OLFM1: variants seen among roughly 807,000 people sequenced by gnomAD.
OLFM1 encodes the protein olfactomedin 1.
Under a neutral mutation model 49.7 loss-of-function variants are expected in OLFM1, and 9 were observed. The observed-to-expected ratio is 0.18, with a 90% CI of 0.11 to 0.32. OLFM1 has a LOEUF of 0.32. Ranked by LOEUF, OLFM1 falls within the 10% of genes least tolerant of loss-of-function variation. The probability of loss-of-function intolerance (pLI) is 1.00; values close to 1 mark genes in which losing one functional copy is unlikely to be tolerated. For missense variants in OLFM1, 369 were observed against 661.8 expected (o/e 0.56, Z 4.85); for synonymous variants, 240 against 271.8 (o/e 0.88, Z 1.15).
intron 1 of OLFM1, 59 bp from the exon 2 acceptor site, chr9:135,090,136 C>T: frequency 6.7e-7 from 1 of 1,494,864 alleles, no homozygotes; most frequent in South Asian, 1.3e-5. Flanking sequence ...CTCTGATACA[C>T]AACCTCATGG....
At chr9:135,090,034 C>A (rs1170732202) in intron 1 of OLFM1, among the ~76,000 whole-genome samples, 161 bp from the exon 2 acceptor site, 1 of 152,190 alleles carries the variant, frequency 6.6e-6, no homozygotes. Context: ...TCCCAGGGAC[C>A]CTTTCTTCCC....
chr9:135,097,721 T>G, intron 3 of OLFM1: 1 of 1,363,710 alleles, frequency 7.3e-7, no homozygotes, highest in South Asian at 1.2e-5. Flanking sequence ...CTGATGGCTG[T>G]CTGTTTCAGG....
intron 4 of OLFM1, among the ~76,000 whole-genome samples, chr9:135,101,811 C>T (rs906257721): frequency 5.9e-5 from 9 of 152,222 alleles, no homozygotes; most frequent in African/African-American, 2.2e-4. Flanking sequence ...ATGGAGCTCC[C>T]GGGGCGTGGC....
Position 135,114,201 on chromosome 9 carries a change from T to C in OLFM1, c.784-5303T>C, listed in dbSNP as rs560950812. Among the ~76,000 whole-genome samples, 168 of 136,554 alleles carry C rather than the reference T, an allele frequency of 1.2e-3. 1 individual carries two copies. The highest frequency in any genetic ancestry group is 2.0e-3 in the Non-Finnish European group (129 of 65,340). 89.6% of individuals were successfully genotyped at this position (136,554 alleles called of 152,430 possible). On this transcript the variant is annotated intron_variant, in intron 5 of 5. Transcript: ENST00000371793. ...ATGCTGGAGTGCTGGAGTGCAGTGG[T>C]GCGATCTCGGCTCACTGCAAGTGAT...
At position 135,095,984 on chromosome 9, in the gene OLFM1, G is replaced by C; in HGVS notation, c.421G>C (p.Glu141Gln). ...GLESKFKQVE[E>Q]SHKQHLARQF... ...GGAGTCCAAGTTCAAACAGGTGGAG[G>C]AGAGTCATAAGCAACACCTGGCCAG... Residue 141 changes from glutamate (E) to glutamine (Q), a missense_variant, in exon 3 of 6, where the codon GAG becomes CAG. By Grantham distance (29) the Glu-to-Gln change is conservative. Around this residue, in one of 3 missense-constraint regions of OLFM1, gnomAD observed 294 missense variants for 567.5 expected, o/e 0.52. Transcript: ENST00000371793. 1 of 1,539,462 alleles carries C rather than the reference G, an allele frequency of 6.5e-7. No individual in the cohort carries two copies. The highest frequency in any genetic ancestry group is 1.1e-5 in the South Asian group (1 of 88,398).
intron 2 of OLFM1, among the ~76,000 whole-genome samples, chr9:135,094,064 C>T (rs1195243707): frequency 4.6e-5 from 7 of 152,178 alleles, no homozygotes; most frequent in South Asian, 2.1e-4. Flanking sequence ...AGCTTCTCCT[C>T]GGCACTTGTG....
rs532344600 is a variant in OLFM1 at position 135,076,413 on chromosome 9, C to A, written c.96+611C>A. On this transcript the variant is annotated intron_variant, in intron 1 of 5. Coordinates refer to the OLFM1 transcript ENST00000252854. ...AGGAGGTGAGTGAGGAGCCCTGTGG[C>A]GTGCTGGTGTGGGGATCGTGGGCAT... 12 of 1,475,716 alleles carry A rather than the reference C, an allele frequency of 8.1e-6. No homozygotes were observed. In the African/African-American group the frequency reaches 1.4e-4, roughly 17 times the overall value. The allele number at this position is 1,475,716 out of a possible 1,614,324, so 91.4% of individuals were successfully genotyped here.
chr9:135,106,689 G>T, intron 4 of OLFM1, 60 bp from the exon 5 acceptor site: 1 of 1,330,926 alleles, frequency 7.5e-7, no homozygotes, highest in South Asian at 1.2e-5. Flanking sequence ...CGAGGTCAGG[G>T]TCATCACCGC....
Position 135,106,567 on chromosome 9 carries a change from C to T in OLFM1, c.677-182C>T, listed in dbSNP as rs187180089. The T allele has an allele frequency of 4.2e-4, 246 of 585,824 alleles. 1 individual carries two copies. The highest frequency in any genetic ancestry group is 6.2e-4 in the Non-Finnish European group (205 of 328,506). The allele number at this position is 585,824 out of a possible 1,614,324, so 36.3% of individuals were successfully genotyped here. A position where few individuals can be genotyped will look rare whatever the true frequency, so the allele number is the denominator to read the frequency against. Reference sequence around the variant, plus strand: ...TGTTTTGGGGAGGAGGTGGCTTTTCCGAGAGTGGGGGAGTTGTCTGTGAAA... The same window carrying T: ...TGTTTTGGGGAGGAGGTGGCTTTTCTGAGAGTGGGGGAGTTGTCTGTGAAA... On this transcript the variant is annotated intron_variant, in intron 4 of 5. Transcript: ENST00000371793.
intron 5 of OLFM1, 56 bp from the exon 6 acceptor site, chr9:135,119,428 GGAAGTGCTCACTGGGTCTTT>G: frequency 1.6e-6 from 2 of 1,252,342 alleles, no homozygotes; most frequent in Non-Finnish European, 2.3e-6. Flanking sequence ...CTGGATCTTT[GGAAGTGCTCACTGGGTCTTT>G]GGAGTACTCA....
chr9:135,109,762 C>G (rs1212117627), intron 5 of OLFM1, among the ~76,000 whole-genome samples: 1 of 152,048 alleles, frequency 6.6e-6, no homozygotes, highest in East Asian at 1.9e-4. Flanking sequence ...GTGCAGGCTG[C>G]CACGGAGGGC....
At chr9:135,097,833 C>T in intron 3 of OLFM1, 3 of 1,612,814 alleles carry the variant, frequency 1.9e-6, no homozygotes, top group East Asian at 2.2e-5. Flanking sequence ...AAGCAGTCCA[C>T]TCCCATGTAA....
chr9:135,076,149 G>C (rs753030517), intron 1 of OLFM1: 19 of 1,550,032 alleles, frequency 1.2e-5, no homozygotes, highest in South Asian at 1.2e-5. Context: ...GGAAGAGTGA[G>C]AGCCGGATAG....
intron 1 of OLFM1, chr9:135,077,344 C>T (rs1191191604): frequency 6.2e-6 from 8 of 1,295,690 alleles, no homozygotes; most frequent in Non-Finnish European, 7.0e-6. Flanking sequence ...GCCTTAATGG[C>T]ACCCTGAAGC....
intron 1 of OLFM1, among the ~76,000 whole-genome samples, chr9:135,081,443 GA>G (rs1390376890): frequency 1.2e-4 from 19 of 152,128 alleles, no homozygotes; most frequent in Admixed American, 1.2e-3. Context: ...TGCTGACCTT[GA>G]AAACGGGCTT....
In OLFM1 at chr9:135,076,075, TC is replaced by T. The variant is rs753110146; in HGVS notation, c.96+276del. 3.3e-5 allele frequency: 48 copies of T among 1,473,466 alleles called. No individual in the cohort carries two copies. The South Asian group carries it at 6.2e-4, about 19-fold the overall frequency. The allele number at this position is 1,473,466 out of a possible 1,614,324, so 91.3% of individuals were successfully genotyped here. A position where few individuals can be genotyped will look rare whatever the true frequency, so the allele number is the denominator to read the frequency against. On this transcript the variant is annotated intron_variant, in intron 1 of 5. Coordinates refer to the OLFM1 transcript ENST00000252854. ...TTCCTAGGACTCCGCTGCCCCCGAC[TC>T]CCTGCTGAGAAGTTCAAAGGGCAGC...
At chr9:135,116,960 AT>A (rs35332065) in intron 5 of OLFM1, among the ~76,000 whole-genome samples, 14 of 151,262 alleles carry the variant, frequency 9.3e-5, no homozygotes, top group African/African-American at 3.4e-4. Context: ...GAAGGTTATA[AT>A]TTTTTTTTAA....
Position 135,096,034 on chromosome 9 carries a change from C to A in OLFM1, c.456+15C>A. ...GGCAGTTTAAGGTATGCATGTTCCT[C>A]CCCCTCTCCCTCCCCTTATCCTCCT... On this transcript the variant is annotated intron_variant, in intron 3 of 5. Transcript: ENST00000371793. 1 of 1,600,872 alleles carries A rather than the reference C, an allele frequency of 6.2e-7. No individual in the cohort carries two copies. The highest frequency in any genetic ancestry group is 1.1e-5 in the South Asian group (1 of 90,386).
At position 135,114,123 on chromosome 9, in the gene OLFM1, C is replaced by CTTTTTTTTTTT. The variant is rs138372395; in HGVS notation, c.784-5364_784-5354dup. Among the ~76,000 whole-genome samples, 6 of 75,850 alleles carry CTTTTTTTTTTT rather than the reference C, an allele frequency of 7.9e-5. 1 individual carries two copies. The highest frequency in any genetic ancestry group is 1.5e-4 in the Non-Finnish European group (6 of 39,996). The allele number at this position is 75,850 out of a possible 152,430, so 49.8% of individuals were successfully genotyped here. ...TCCAGGACCAGCTCATCTTGAGATT[C>CTTTTTTTTTTT]TTTTTTTTTTTTTTTTTTTTTTTTT... On this transcript the variant is annotated intron_variant, in intron 5 of 5. Coordinates refer to ENST00000371793, the MANE Select transcript of OLFM1 (RefSeq NM_001282611.2).
Sources: gnomAD v4.1 joint callset for allele counts (sites outside exome capture counted in the v4.1 genomes callset) on GRCh38, gnomAD v4.1.1 for gene constraint, gnomAD v4.1.1 regional missense constraint, MANE v1.5 for transcripts, NCBI Gene and HGNC (gene_info 2026-07-23, HGNC 2026-07-21) for gene names.